The following CRACD variants were observed in gnomAD, a reference collection of about 807,000 sequenced individuals.
The protein encoded by CRACD is capping protein-inhibiting regulator of actin dynamics.
CRACD carries 56 observed loss-of-function variants against 106.8 expected under a neutral mutation model. The observed-to-expected ratio is 0.52, with a 90% CI of 0.42 to 0.66. CRACD has a LOEUF of 0.66. Ranked by LOEUF, CRACD falls within the 30% of genes least tolerant of loss-of-function variation. The pLI, the probability that CRACD is intolerant of heterozygous loss-of-function variation, is 0.00. For synonymous variants in CRACD, 754 were observed against 670.8 expected (o/e 1.12, Z -1.92); for missense variants, 1,730 against 1,623.2 (o/e 1.07, Z -1.13).
chr4:56,095,347 A>T (rs1733563979), intron 1 of CRACD, among the ~76,000 whole-genome samples: 1 of 152,224 alleles, frequency 6.6e-6, no homozygotes, highest in Non-Finnish European at 1.5e-5. Context: ...AATCAAGAGC[A>T]TGCAGTTTAT....
At chr4:56,085,953 T>C (rs891072296) in intron 1 of CRACD, among the ~76,000 whole-genome samples, 10 of 152,246 alleles carry the variant, frequency 6.6e-5, no homozygotes, top group Non-Finnish European at 1.3e-4. Flanking sequence ...TTGCTCAGTT[T>C]AAATTAGATT....
At chr4:56,224,549 G>GA in intron 2 of CRACD, among the ~76,000 whole-genome samples, 1 of 152,252 alleles carries the variant, frequency 6.6e-6, no homozygotes. Flanking sequence ...AAACCACAGG[G>GA]AGGTACCTAC....
intron 1 of CRACD, among the ~76,000 whole-genome samples, chr4:56,135,766 C>T (rs1388901467): frequency 6.6e-6 from 1 of 152,130 alleles, no homozygotes; most frequent in Non-Finnish European, 1.5e-5. Context: ...ATGAACTGCA[C>T]ATATTTAAAA....
intron 1 of CRACD, among the ~76,000 whole-genome samples, chr4:56,130,826 C>T (rs1734803986): frequency 1.3e-5 from 2 of 152,138 alleles, no homozygotes; most frequent in Non-Finnish European, 2.9e-5. Context: ...CTGTCTCCTT[C>T]TCTCTCCCTG....
chr4:56,173,517 G>A (rs1315016561), intron 1 of CRACD, among the ~76,000 whole-genome samples: 1 of 152,144 alleles, frequency 6.6e-6, no homozygotes, highest in East Asian at 1.9e-4. Context: ...ATGACACCTC[G>A]CTATATTAAA....
At chr4:56,073,655 C>CTTGTTCA (rs1334249072) in intron 1 of CRACD, among the ~76,000 whole-genome samples, 1 of 152,050 alleles carries the variant, frequency 6.6e-6, no homozygotes, top group Non-Finnish European at 1.5e-5. Flanking sequence ...CTGTAGGTTG[C>CTTGTTCA]TTGTTCACTC....
Position 56,148,353 on chromosome 4 carries a change from G to A in CRACD, c.-335-30931G>A, listed in dbSNP as rs189686032. On this transcript the variant is annotated intron_variant, in intron 1 of 10. Coordinates refer to ENST00000682029, the MANE Select transcript of CRACD (RefSeq NM_001393381.1). The stretch of plus-strand genomic sequence containing the variant: ...TACTCAGGCTGGAGTGCAGTGGTGT[G>A]ATCATTGCTCACTGCAGCCTCAAAC... Among the ~76,000 whole-genome samples the A allele has an allele frequency of 3.4e-3, 511 of 152,114 alleles. 4 individuals carry two copies. The highest frequency in any genetic ancestry group is 0.012 in the African/African-American group (495 of 41,502).
intron 1 of CRACD, among the ~76,000 whole-genome samples, chr4:56,127,762 A>G (rs1042399032): frequency 2.0e-5 from 3 of 152,194 alleles, no homozygotes; most frequent in African/African-American, 7.2e-5. Flanking sequence ...TCACTGAGCC[A>G]TATGCAGTTC....
intron 3 of CRACD, among the ~76,000 whole-genome samples, chr4:56,276,812 A>G (rs1742700132): frequency 6.6e-6 from 1 of 152,214 alleles, no homozygotes; most frequent in South Asian, 2.1e-4. Flanking sequence ...AGGCTCTGAT[A>G]CTTACTGGGA....
intron 1 of CRACD, among the ~76,000 whole-genome samples, chr4:56,110,052 A>C (rs1734067724): frequency 6.6e-6 from 1 of 152,194 alleles, no homozygotes; most frequent in Non-Finnish European, 1.5e-5. Flanking sequence ...GTGACATTGC[A>C]AAATATTTGG....
At chr4:56,069,655 C>G (rs1439122042) in intron 1 of CRACD, among the ~76,000 whole-genome samples, 1 of 152,168 alleles carries the variant, frequency 6.6e-6, no homozygotes, top group African/African-American at 2.4e-5. Context: ...ATGACTTCCC[C>G]CCAGGGAACA....
At chr4:56,063,675 A>G in intron 1 of CRACD, among the ~76,000 whole-genome samples, 1 of 152,112 alleles carries the variant, frequency 6.6e-6, no homozygotes, top group South Asian at 2.1e-4. Flanking sequence ...TTCAGGTCAC[A>G]TGCTTTTAAG....
chr4:56,111,487 T>G (rs1382957024), intron 1 of CRACD, among the ~76,000 whole-genome samples: 1 of 152,158 alleles, frequency 6.6e-6, no homozygotes, highest in African/African-American at 2.4e-5. Flanking sequence ...GTAAAGTAAG[T>G]AAATAAAAGT....
intron 4 of CRACD, among the ~76,000 whole-genome samples, chr4:56,304,738 C>T (rs1364857121): frequency 6.6e-6 from 1 of 150,414 alleles, no homozygotes; most frequent in African/African-American, 2.4e-5. Context: ...GCTATGATGG[C>T]ACTACTGCAC....
Position 56,058,106 on chromosome 4 carries a change from G to A in CRACD, c.-336+8807G>A, listed in dbSNP as rs970164293. The stretch of plus-strand genomic sequence containing the variant: ...CAAAGTGCTAGGATTACAGGCATGA[G>A]CCACCGTGCCAGGGGTGCAGTGGCA... On this transcript the variant is annotated intron_variant, in intron 1 of 10. Transcript: ENST00000682029. Among the ~76,000 whole-genome samples, 23 of 151,906 alleles carry A rather than the reference G, an allele frequency of 1.5e-4. No individual in the cohort carries two copies. In the South Asian group the frequency reaches 3.3e-3, roughly 22 times the overall value.
At chr4:56,148,001 C>T (rs1490963083) in intron 1 of CRACD, among the ~76,000 whole-genome samples, 3 of 152,112 alleles carry the variant, frequency 2.0e-5, no homozygotes, top group African/African-American at 7.2e-5. Flanking sequence ...GTCAGAGACA[C>T]AAGGGATGCA....
In CRACD at chr4:56,314,368, A is replaced by C; in HGVS notation, c.866A>C (p.Glu289Ala). The change falls in exon 8 of 11, where the codon GAA (glutamate) becomes GCA (alanine). Residue 289 changes from glutamate (E) to alanine (A), a missense_variant. Physicochemically the swap from Glu to Ala is moderately radical, Grantham distance 107. This residue lies in a region of CRACD where 1,620 missense variants were observed against 1,481.6 expected (regional missense o/e 1.09). Transcript: ENST00000682029. The surrounding 1 kb of genome is among the most constrained non-coding windows in gnomAD (Gnocchi z 4.4). ...PPLEAERAPR[E>A]EQQRSLEAPG... ...CTAGAGGCGGAAAGGGCGCCGCGGG[A>C]AGAGCAGCAGCGGAGCCTGGAAGCG... The C allele has an allele frequency of 6.5e-7, 1 of 1,547,116 alleles. No homozygotes were observed. The highest frequency in any genetic ancestry group is 8.7e-7 in the Non-Finnish European group (1 of 1,146,128).
intron 1 of CRACD, among the ~76,000 whole-genome samples, chr4:56,151,469 G>A (rs777042014): frequency 4.0e-5 from 6 of 151,470 alleles, no homozygotes; most frequent in Non-Finnish European, 7.4e-5. Context: ...TTCTTGAGCC[G>A]TTTAAGAGTA....
chr4:56,173,305 A>G (rs758195038), intron 1 of CRACD, among the ~76,000 whole-genome samples: 4 of 152,174 alleles, frequency 2.6e-5, no homozygotes, highest in Non-Finnish European at 4.4e-5. Flanking sequence ...TTGTTCCTGT[A>G]TTTGAAAAAG....
Sources: gnomAD v4.1 joint callset for allele counts (sites outside exome capture counted in the v4.1 genomes callset) on GRCh38, gnomAD v4.1.1 for gene constraint, gnomAD v4.1.1 regional missense constraint, Gnocchi (gnomAD v3.1) non-coding constraint, MANE v1.5 for transcripts, NCBI Gene and HGNC (gene_info 2026-07-23, HGNC 2026-07-21) for gene names.